BLNK: variants seen among roughly 807,000 people sequenced by gnomAD.
BLNK encodes B-cell linker protein.
Under a neutral mutation model 73.5 loss-of-function variants are expected in BLNK, and 29 were observed. The ratio of observed to expected loss-of-function variants is 0.39; its 90% CI spans 0.29 to 0.54. The LOEUF is 0.54. Among genes scored for constraint, BLNK ranks in the 20% least tolerant of loss-of-function variants. The pLI is 0.61. For synonymous variants in BLNK, 176 were observed against 200.8 expected (o/e 0.88, Z 1.04); for missense variants, 460 against 562.8 (o/e 0.82, Z 1.85).
chr10:96,204,086 T>C lies in BLNK; in HGVS notation c.905A>G (p.Gln302Arg), dbSNP rs1591303254. 6.2e-7 allele frequency: 1 copy of C among 1,613,974 alleles called. No individual in the cohort carries two copies. The stretch of plus-strand genomic sequence containing the variant: ...CAGAGGTATGGGTTTTTGGTGGATT[T>C]GTCTGCAAGAAAGAATTTCAGATAA... ...QSPVFPPAQK[Q>R]IHQKPIPLPR... Residue 302 changes from glutamine to arginine, a missense_variant and splice_region_variant, in exon 13 of 17, where the codon CAA (glutamine) becomes CGA (arginine). Around this residue, in one of 3 missense-constraint regions of BLNK, gnomAD observed 233 missense variants for 232.1 expected, o/e 1.00. Coordinates refer to ENST00000224337, the MANE Select transcript of BLNK (RefSeq NM_013314.4).
chr10:96,206,350 T>G (rs1336821472), intron 11 of BLNK, among the ~76,000 whole-genome samples: 1 of 152,152 alleles, frequency 6.6e-6, no homozygotes, highest in Non-Finnish European at 1.5e-5. Context: ...TTTCCGGTAA[T>G]TTCCAAACAC....
intron 6 of BLNK, among the ~76,000 whole-genome samples, chr10:96,222,128 A>G (rs1037317263): frequency 2.0e-5 from 3 of 152,240 alleles, no homozygotes; most frequent in Non-Finnish European, 4.4e-5. Context: ...AGTGCTGTAC[A>G]TATGTTCTTT....
chr10:96,240,582 G>A lies in BLNK; in HGVS notation c.163+2153C>T, dbSNP rs587631306. Among the ~76,000 whole-genome samples the A allele has an allele frequency of 6.0e-4, 91 of 152,156 alleles. 2 individuals carry two copies. In the South Asian group the frequency reaches 0.019, roughly 31 times the overall value. ...GCTCTACTTTTCTTCATATTTAAAGGCTTGAACTGTGTGGCCATCAGGATA... is the reference window on the plus strand; with the variant it reads ...GCTCTACTTTTCTTCATATTTAAAGACTTGAACTGTGTGGCCATCAGGATA... On this transcript the variant is annotated intron_variant, in intron 3 of 16. Transcript: ENST00000224337.
intron 1 of BLNK, among the ~76,000 whole-genome samples, chr10:96,265,652 T>G (rs1564855867): frequency 6.6e-6 from 1 of 152,266 alleles, no homozygotes; most frequent in Non-Finnish European, 1.5e-5. Context: ...CAGTGTGATC[T>G]GAGCAAAGAC....
chr10:96,228,249 A>G (rs1292523574), intron 4 of BLNK, among the ~76,000 whole-genome samples: 1 of 150,994 alleles, frequency 6.6e-6, no homozygotes, highest in Non-Finnish European at 1.5e-5. Context: ...ACAGGCATGC[A>G]CCACCGTGCC....
At position 96,190,717 on chromosome 10, in the gene BLNK, A is replaced by G. The variant is rs1220712515; in HGVS notation, c.*1256T>C. Among the ~76,000 whole-genome samples, 2 of 152,218 alleles carry G rather than the reference A, an allele frequency of 1.3e-5. No homozygotes were observed. Among genetic ancestry groups the G allele is most frequent in the South Asian group, 4.1e-4 (2 of 4,836 alleles). Reference sequence around the variant, plus strand: ...CCCCATTTAATTATTAGACTTAATTAGCTGCTTTATCACTTCACTGCTGTC... The same window carrying G: ...CCCCATTTAATTATTAGACTTAATTGGCTGCTTTATCACTTCACTGCTGTC... On this transcript the variant is annotated 3_prime_UTR_variant, in exon 17 of 17. Transcript: ENST00000224337.
At chr10:96,244,596 T>C (rs1185698443) in intron 2 of BLNK, among the ~76,000 whole-genome samples, 1 of 152,214 alleles carries the variant, frequency 6.6e-6, no homozygotes, top group Non-Finnish European at 1.5e-5. Flanking sequence ...GCTTCCTCCG[T>C]TCAGGGTAGC....
chr10:96,221,486 T>A (rs1554901148), intron 6 of BLNK, among the ~76,000 whole-genome samples: 1 of 152,212 alleles, frequency 6.6e-6, no homozygotes, highest in African/African-American at 2.4e-5. Flanking sequence ...CTCTTTCTTA[T>A]ATTGGCTCTC....
At chr10:96,245,206 A>G (rs934788392) in intron 2 of BLNK, among the ~76,000 whole-genome samples, 13 of 152,142 alleles carry the variant, frequency 8.5e-5, no homozygotes, top group Non-Finnish European at 8.8e-5. Flanking sequence ...TAGTCTGGAA[A>G]TACCACCAAA....
At chr10:96,244,155 C>T (rs1554907001) in intron 2 of BLNK, among the ~76,000 whole-genome samples, 1 of 152,138 alleles carries the variant, frequency 6.6e-6, no homozygotes, top group African/African-American at 2.4e-5. Context: ...ATTCAATTCT[C>T]CTCACAAGCC....
chr10:96,253,957 C>T (rs1309383735), intron 1 of BLNK, among the ~76,000 whole-genome samples: 3 of 151,404 alleles, frequency 2.0e-5, no homozygotes, highest in African/African-American at 7.3e-5. Context: ...GGAGGTGGAG[C>T]TTGCAGTGAG....
rs587767046 is a variant in BLNK at position 96,227,705 on chromosome 10, C to T, written c.205-139G>A. On this transcript the variant is annotated intron_variant, in intron 4 of 16. Coordinates refer to ENST00000224337, the MANE Select transcript of BLNK (RefSeq NM_013314.4). ...GGTTGACTTCAAAAGGCTAGGCAGC[C>T]GATAAGAGGCAAAGCTGGGGTTTGA... 2.1e-5 allele frequency: 27 copies of T among 1,309,986 alleles called. No individual in the cohort carries two copies. The Middle Eastern group carries it at 5.6e-4, about 27-fold the overall frequency. The allele number at this position is 1,309,986 out of a possible 1,614,324, so 81.1% of individuals were successfully genotyped here.
intron 15 of BLNK, among the ~76,000 whole-genome samples, chr10:96,197,407 C>T (rs1056908372): frequency 3.9e-5 from 6 of 152,112 alleles, no homozygotes; most frequent in Non-Finnish European, 8.8e-5. Flanking sequence ...TGAGTTCAAG[C>T]GATCCTCCCA....
At chr10:96,239,855 A>AG (rs2134071848) in intron 3 of BLNK, among the ~76,000 whole-genome samples, 1 of 152,230 alleles carries the variant, frequency 6.6e-6, no homozygotes, top group East Asian at 1.9e-4. Flanking sequence ...GGTGAGTGTG[A>AG]GGGGACAATC....
chr10:96,234,087 G>T (rs147633020), intron 3 of BLNK, among the ~76,000 whole-genome samples: 1 of 152,370 alleles, frequency 6.6e-6, no homozygotes, highest in East Asian at 1.9e-4. Flanking sequence ...TACTTGGCTA[G>T]TGAGTTTGGG....
chr10:96,226,042 A>G (rs1591327616), intron 5 of BLNK, among the ~76,000 whole-genome samples: 1 of 152,206 alleles, frequency 6.6e-6, no homozygotes, highest in East Asian at 1.9e-4. Flanking sequence ...TCATTCACCA[A>G]GTATGGTGGG....
chr10:96,198,030 C>T (rs782795708), intron 15 of BLNK, among the ~76,000 whole-genome samples: 41 of 150,624 alleles, frequency 2.7e-4, no homozygotes, highest in East Asian at 1.2e-3. Flanking sequence ...TAAAAAATTA[C>T]GAACAAAAGA....
intron 1 of BLNK, among the ~76,000 whole-genome samples, chr10:96,252,014 T>C (rs962977059): frequency 2.0e-5 from 3 of 152,140 alleles, no homozygotes; most frequent in Non-Finnish European, 2.9e-5. Context: ...GGGTTGTCTG[T>C]GGTGCGTCAG....
intron 15 of BLNK, among the ~76,000 whole-genome samples, chr10:96,198,858 C>T (rs1554895325): frequency 6.6e-6 from 1 of 152,190 alleles, no homozygotes; most frequent in East Asian, 1.9e-4. Flanking sequence ...GCCATCACGC[C>T]TGGCTAATTT....
Sources: allele counts gnomAD v4.1 joint callset (sites outside exome capture counted in the v4.1 genomes callset), GRCh38; gene constraint gnomAD v4.1.1; regional missense constraint gnomAD v4.1.1; transcripts MANE v1.5; gene names NCBI Gene and HGNC (gene_info 2026-07-23, HGNC 2026-07-21).